PCTP: variants seen among roughly 807,000 people sequenced by gnomAD.
PCTP encodes the protein phosphatidylcholine transfer protein, also known as START domain-containing protein 2.
PCTP carries 27 observed loss-of-function variants against 31.0 expected under a neutral mutation model. The ratio of observed to expected loss-of-function variants is 0.87; its 90% confidence interval spans 0.64 to 1.20. The LOEUF is 1.20. Ranked by LOEUF, PCTP falls within the 50% of genes most tolerant of loss-of-function variation. PCTP has a pLI of 0.00. For missense variants in PCTP, 287 were observed against 268.2 expected, an observed-to-expected ratio of 1.07 and a Z score of -0.49; for synonymous variants, 108 against 101.2, an observed-to-expected ratio of 1.07 and a Z score of -0.40.
At chr17:55,847,200 C>A (rs1247309233), downstream of PCTP, among the ~76,000 whole-genome samples, 1 of 152,212 alleles carries the variant, frequency 6.6e-6, no homozygotes, top group African/African-American at 2.4e-5. Context: ...AAATAGCCAT[C>A]ATTTTCTGGT....
downstream of PCTP, among the ~76,000 whole-genome samples, chr17:55,826,997 T>C (rs956460138): frequency 2.2e-5 from 3 of 137,560 alleles, no homozygotes; most frequent in African/African-American, 8.6e-5. Context: ...CCTGTTAATA[T>C]ACAACAACAG....
chr17:55,822,363 C>A (rs900236954), intron 3 of PCTP, among the ~76,000 whole-genome samples: 9 of 152,146 alleles, frequency 5.9e-5, no homozygotes, highest in African/African-American at 2.2e-4. Flanking sequence ...CTGAGTTTGG[C>A]AGAATCAGTA....
chr17:55,834,196 A>T (rs1200737309), intron 5 of PCTP, among the ~76,000 whole-genome samples: 1 of 151,950 alleles, frequency 6.6e-6, no homozygotes, highest in East Asian at 1.9e-4. Context: ...AAAAATTATT[A>T]TTTTTTTAAA....
At chr17:55,779,417 A>G (rs896185471), downstream of PCTP, among the ~76,000 whole-genome samples, 2 of 152,222 alleles carry the variant, frequency 1.3e-5, no homozygotes, top group African/African-American at 2.4e-5. Context: ...TCATGACAGA[A>G]GAACCATTTG....
chr17:55,775,161 A>C, intron 5 of PCTP: 1 of 1,181,684 alleles, frequency 8.5e-7, no homozygotes. Context: ...CTTAGTAGGA[A>C]CAATAGTGCC....
chr17:55,814,100 C>A (rs149520120), intron 3 of PCTP, among the ~76,000 whole-genome samples: 153 of 151,854 alleles, frequency 1.0e-3, no homozygotes, highest in Non-Finnish European at 3.8e-4. Context: ...TTCAATGCGT[C>A]GATTACAAAG....
At chr17:55,833,881 C>T (rs1468977358) in intron 5 of PCTP, among the ~76,000 whole-genome samples, 3 of 152,212 alleles carry the variant, frequency 2.0e-5, no homozygotes, top group African/African-American at 7.2e-5. Context: ...GACTATAAAA[C>T]ATGTTGAGCC....
downstream of PCTP, among the ~76,000 whole-genome samples, chr17:55,844,584 C>T (rs1406069489): frequency 1.3e-5 from 2 of 152,066 alleles, no homozygotes; most frequent in Admixed American, 6.6e-5. Flanking sequence ...AGGTAGCCAG[C>T]CCAAATTCAT....
At chr17:55,771,912 G>A (rs1049271519) in intron 3 of PCTP, among the ~76,000 whole-genome samples, 3 of 152,030 alleles carry the variant, frequency 2.0e-5, no homozygotes, top group Admixed American at 6.6e-5. Flanking sequence ...TCCCAGCAGC[G>A]GAGTGTTTTA....
At chr17:55,777,414 TGTGAGTGTGCATCAG>T, downstream of PCTP, 1 of 973,126 alleles carries the variant, frequency 1.0e-6, no homozygotes, top group Non-Finnish European at 1.2e-6. Context: ...TTCTTCCTTT[TGTGAGTGTGCATCAG>T]TTAGATCTCC....
rs754492085 is a variant in PCTP, at chr17:55,776,134, GATGTCTCTGGAAGTGCAACCACCCA to G, written c.*51_*75del. ...ACTGGGAACATTGCATCCATGGGTT[GATGTCTCTGGAAGTGCAACCACCCA>G]ATGTCTCTGGAAGTGCCACCTGGAA... On this transcript the variant is annotated 3_prime_UTR_variant, in exon 6 of 6. Transcript: ENST00000268896. The G allele has an allele frequency of 1.2e-5, 20 of 1,612,118 alleles. No homozygotes were observed. In the African/African-American group the frequency reaches 1.9e-4, roughly 15 times the overall value.
chr17:55,832,982 A>G (rs946467045), intron 5 of PCTP, among the ~76,000 whole-genome samples: 2 of 152,132 alleles, frequency 1.3e-5, no homozygotes, highest in African/African-American at 4.8e-5. Context: ...TCTTGGTTCA[A>G]CTTTTGTCAT....
intron 3 of PCTP, among the ~76,000 whole-genome samples, chr17:55,818,278 T>C (rs1912995454): frequency 6.6e-6 from 1 of 152,198 alleles, no homozygotes; most frequent in South Asian, 2.1e-4. Flanking sequence ...TCAGAGAAGT[T>C]GGCAGAGGCC....
chr17:55,782,477 A>G (rs7211024), intron 2 of PCTP, among the ~76,000 whole-genome samples: 32,161 of 152,084 alleles, frequency 0.21, 3,999 homozygotes, highest in African/African-American at 0.35. Context: ...TTAGTCTTTG[A>G]TGAGATAGGA....
chr17:55,806,329 G>C (rs1912582097), intron 3 of PCTP, among the ~76,000 whole-genome samples: 2 of 152,068 alleles, frequency 1.3e-5, no homozygotes, highest in Admixed American at 1.3e-4. Flanking sequence ...AGAAACTGTT[G>C]TGTGTATATC....
At chr17:55,801,883 A>C (rs1912395980) in intron 3 of PCTP, among the ~76,000 whole-genome samples, 7 of 152,214 alleles carry the variant, frequency 4.6e-5, no homozygotes. Flanking sequence ...ACTGAGGGAG[A>C]TAGAGACATG....
intron 3 of PCTP, among the ~76,000 whole-genome samples, chr17:55,802,737 A>G (rs896729523): frequency 2.0e-5 from 3 of 152,204 alleles, no homozygotes; most frequent in African/African-American, 4.8e-5. Context: ...AGAGCTATTT[A>G]TGACAAACCC....
At chr17:55,845,753 G>GC (rs951222027), downstream of PCTP, among the ~76,000 whole-genome samples, 15 of 151,930 alleles carry the variant, frequency 9.9e-5, no homozygotes, top group East Asian at 1.9e-4. Context: ...TGAGGGCCGA[G>GC]CCCCCCCGTG....
chr17:55,767,227 A>G (rs1597980886), intron 1 of PCTP, 108 bp from the exon 2 acceptor site: 1 of 549,510 alleles, frequency 1.8e-6, no homozygotes, highest in Non-Finnish European at 3.1e-6. Flanking sequence ...GTTCACTCTG[A>G]TGGTAGTTTC....
Sources: allele counts gnomAD v4.1 joint callset (sites outside exome capture counted in the v4.1 genomes callset), GRCh38; gene constraint gnomAD v4.1.1; transcripts MANE v1.5; gene names NCBI Gene and HGNC (gene_info 2026-07-23, HGNC 2026-07-21).